The following DDX50 variants were observed in gnomAD, a reference collection of about 807,000 sequenced individuals.
The protein encoded by DDX50 is ATP-dependent RNA helicase DDX50.
Under a neutral mutation model 94.8 loss-of-function variants are expected in DDX50, and 56 were observed. The ratio of observed to expected loss-of-function variants is 0.59; its 90% CI spans 0.48 to 0.74. The LOEUF (loss-of-function observed/expected upper bound fraction) is 0.74, where lower values mean the gene tolerates loss of function less well. Among genes scored for constraint, DDX50 ranks in the 30% least tolerant of loss-of-function variants. The pLI, the probability that DDX50 is intolerant of heterozygous loss-of-function variation, is 0.00. For synonymous variants in DDX50, 264 were observed against 295.4 expected, an observed-to-expected ratio of 0.89 and a Z score of 1.09; for missense variants, 713 against 881.2, an observed-to-expected ratio of 0.81 and a Z score of 2.42.
chr10:68,926,769 A>G (rs989875425), intron 8 of DDX50, among the ~76,000 whole-genome samples: 5 of 133,646 alleles, frequency 3.7e-5, no homozygotes, highest in Admixed American at 2.3e-4. Flanking sequence ...TGTCTCACAC[A>G]GAGATACACA....
chr10:68,918,069 C>T (rs905181628), intron 7 of DDX50, among the ~76,000 whole-genome samples: 4 of 151,808 alleles, frequency 2.6e-5, no homozygotes, highest in African/African-American at 9.7e-5. Context: ...GGATTACAGG[C>T]GTCTGCCACC....
intron 2 of DDX50, 51 bp from the exon 3 acceptor site, chr10:68,910,256 T>G: frequency 7.9e-6 from 11 of 1,398,290 alleles, no homozygotes; most frequent in Non-Finnish European, 1.1e-5. Flanking sequence ...AAACAGTAAA[T>G]GAGGAAGAGT....
At chr10:68,937,151 G>A (rs1172721637) in intron 12 of DDX50, 56 bp downstream of exon 12, 3 of 1,507,104 alleles carry the variant, frequency 2.0e-6, no homozygotes, top group Non-Finnish European at 2.7e-6. Flanking sequence ...ATTGAACATA[G>A]GAAATATTGT....
intron 7 of DDX50, among the ~76,000 whole-genome samples, chr10:68,917,715 G>C (rs896924105): frequency 3.9e-5 from 6 of 152,062 alleles, no homozygotes; most frequent in African/African-American, 1.4e-4. Context: ...AGATTCTCCT[G>C]TCTTAGCCAC....
intron 1 of DDX50, among the ~76,000 whole-genome samples, chr10:68,904,608 G>A (rs115214604): frequency 1.5e-4 from 23 of 152,158 alleles, no homozygotes; most frequent in African/African-American, 4.3e-4. Flanking sequence ...CCAAGTAGAC[G>A]GAGAGTGCCA....
At chr10:68,908,903 C>G (rs1316143286) in intron 2 of DDX50, among the ~76,000 whole-genome samples, 1 of 152,116 alleles carries the variant, frequency 6.6e-6, no homozygotes, top group East Asian at 1.9e-4. Context: ...ACCTTGGCCT[C>G]CCAAAGTGCT....
intron 3 of DDX50, among the ~76,000 whole-genome samples, 176 bp from the exon 4 acceptor site, chr10:68,910,892 C>T (rs187228762): frequency 1.1e-4 from 17 of 152,224 alleles, no homozygotes; most frequent in Admixed American, 6.5e-4. Flanking sequence ...TATATGCATT[C>T]GTCAAAAGTT....
At chr10:68,929,298 T>TTCCTTCCTTC (rs772081551) in intron 8 of DDX50, among the ~76,000 whole-genome samples, 2 of 132,368 alleles carry the variant, frequency 1.5e-5, no homozygotes, top group Admixed American at 1.4e-4. Flanking sequence ...CCTTCCTCTC[T>TTCCTTCCTTC]CTCTCTCTCT....
chr10:68,905,376 T>G (rs1367337214), intron 1 of DDX50, among the ~76,000 whole-genome samples: 1 of 151,942 alleles, frequency 6.6e-6, no homozygotes, highest in Non-Finnish European at 1.5e-5. Context: ...AATCCAGGAT[T>G]ACTGTCCTTC....
At chr10:68,931,100 C>T (rs1439358690) in intron 8 of DDX50, among the ~76,000 whole-genome samples, 1 of 152,104 alleles carries the variant, frequency 6.6e-6, no homozygotes, top group Admixed American at 6.5e-5. Flanking sequence ...TAGACCCGTG[C>T]ATCATCCATT....
rs570820207 is a variant in DDX50 at position 68,910,490 on chromosome 10, C to CCTCCTGGGTTCAAGCGATT, written c.460+114_460+132dup. 289 of 785,412 alleles carry CCTCCTGGGTTCAAGCGATT rather than the reference C, an allele frequency of 3.7e-4. No individual in the cohort carries two copies. In the African/African-American group the frequency reaches 5.2e-3, roughly 14 times the overall value. 48.7% of individuals were successfully genotyped at this position (785,412 alleles called of 1,614,324 possible). A position where few individuals can be genotyped will look rare whatever the true frequency, so the allele number is the denominator to read the frequency against. ...CAGTCTTGGCTCACTGCAACCTCCG[C>CCTCCTGGGTTCAAGCGATT]CTCCTGGGTTCAAGCGATTCTCCTA... On this transcript the variant is annotated intron_variant, in intron 3 of 14. Coordinates refer to ENST00000373585, the MANE Select transcript of DDX50 (RefSeq NM_024045.2).
At chr10:68,929,292 CCTCTCT>C (rs1167345123) in intron 8 of DDX50, among the ~76,000 whole-genome samples, 209 of 122,614 alleles carry the variant, frequency 1.7e-3, no homozygotes, top group Non-Finnish European at 2.9e-3. Flanking sequence ...TTCCTTCCTT[CCTCTCT>C]CTCTCTCTCT....
intron 12 of DDX50, among the ~76,000 whole-genome samples, chr10:68,937,526 T>C (rs1033421197): frequency 2.6e-5 from 4 of 151,994 alleles, no homozygotes; most frequent in African/African-American, 9.7e-5. Flanking sequence ...TAAACATTTA[T>C]CATTTCTTTG....
intron 10 of DDX50, among the ~76,000 whole-genome samples, chr10:68,935,580 A>G (rs1414031298): frequency 1.3e-5 from 2 of 152,214 alleles, no homozygotes; most frequent in African/African-American, 4.8e-5. Flanking sequence ...CACGCCTGTA[A>G]TCCCAGCACT....
intron 8 of DDX50, among the ~76,000 whole-genome samples, chr10:68,921,346 T>C (rs1437293762): frequency 6.6e-6 from 1 of 152,218 alleles, no homozygotes; most frequent in Non-Finnish European, 1.5e-5. Context: ...GATTATTAAG[T>C]TGCTTTTAAT....
At chr10:68,946,275 G>A (rs1305679519) in intron 14 of DDX50, 77 bp from the exon 15 acceptor site, 1 of 1,479,884 alleles carries the variant, frequency 6.8e-7, no homozygotes. Flanking sequence ...TATGAAAAAG[G>A]TGTCTTCTTG....
intron 7 of DDX50, among the ~76,000 whole-genome samples, chr10:68,916,885 C>T (rs2132033502): frequency 6.6e-6 from 1 of 152,232 alleles, no homozygotes; most frequent in South Asian, 2.1e-4. Flanking sequence ...TGGGTTTTGC[C>T]ATGTTGGCCA....
intron 14 of DDX50, among the ~76,000 whole-genome samples, chr10:68,945,932 T>A (rs1403172901): frequency 6.6e-6 from 1 of 151,050 alleles, no homozygotes; most frequent in East Asian, 1.9e-4. Flanking sequence ...TATATTTTTG[T>A]ACATTTATTT....
At chr10:68,925,707 C>T (rs113382258) in intron 8 of DDX50, among the ~76,000 whole-genome samples, 75 of 152,102 alleles carry the variant, frequency 4.9e-4, no homozygotes, top group African/African-American at 1.7e-3. Flanking sequence ...GACACTGTCT[C>T]TATAAAAAGT....
Sources: gnomAD v4.1 joint callset for allele counts (sites outside exome capture counted in the v4.1 genomes callset) on GRCh38, gnomAD v4.1.1 for gene constraint, MANE v1.5 for transcripts, NCBI Gene and HGNC (gene_info 2026-07-23, HGNC 2026-07-21) for gene names.